The following SLC7A14 variants were observed in gnomAD, a reference collection of about 807,000 sequenced individuals.
SLC7A14 encodes solute carrier family 7 member 14, also known as gamma-aminobutyric acid transporter SLC7A14.
In SLC7A14, 37 loss-of-function variants were observed where a neutral mutation model predicts 60.2. The ratio of observed to expected loss-of-function variants is 0.61; its 90% confidence interval spans 0.47 to 0.81. The LOEUF (loss-of-function observed/expected upper bound fraction) is 0.81, where lower values mean the gene tolerates loss of function less well. Among genes scored for constraint, SLC7A14 ranks in the 30% least tolerant of loss-of-function variants. The probability of loss-of-function intolerance (pLI) is 0.00; values close to 1 mark genes in which losing one functional copy is unlikely to be tolerated. For missense variants in SLC7A14, 886 were observed against 982.7 expected (o/e 0.90, Z 1.32); for synonymous variants, 399 against 395.8 (o/e 1.01, Z -0.10).
At chr3:170,579,484 T>C (rs1715180734) in intron 1 of SLC7A14, among the ~76,000 whole-genome samples, 1 of 152,362 alleles carries the variant, frequency 6.6e-6, no homozygotes, top group East Asian at 1.9e-4. Flanking sequence ...TCATTTGTTG[T>C]TCATTGGGTT....
At chr3:170,556,657 T>C in intron 1 of SLC7A14, among the ~76,000 whole-genome samples, 1 of 152,208 alleles carries the variant, frequency 6.6e-6, no homozygotes, top group East Asian at 1.9e-4. Context: ...ACTAATACTC[T>C]TTTTCAACAT....
chr3:170,511,771 G>T (rs7635864), intron 2 of SLC7A14, among the ~76,000 whole-genome samples: 24,690 of 152,174 alleles, frequency 0.16, 2,024 homozygotes, highest in Admixed American at 0.21. Context: ...ATCATCCAGA[G>T]TCTAGACCAA....
At position 170,498,886 on chromosome 3, in the gene SLC7A14, T is replaced by TAGAGAGGAAAGACATAG; in HGVS notation, c.542-3_542-2insCTATGTCTTTCCTCTCT. ...CTGGGTATGATTCTTCACCTTTCCC[T>TAGAGAGGAAAGACATAG]AGAGAGGAAAGACATGATTTGACAT... is the stretch of plus-strand genomic sequence containing the variant. On this transcript the variant is annotated splice_region_variant and splice_polypyrimidine_tract_variant and intron_variant, in intron 3 of 7. Transcript: ENST00000231706. 1 of 1,613,648 alleles carries TAGAGAGGAAAGACATAG rather than the reference T, an allele frequency of 6.2e-7. No homozygotes were observed. The highest frequency in any genetic ancestry group is 8.5e-7 in the Non-Finnish European group (1 of 1,179,750).
chr3:170,574,428 C>T (rs1715033191), intron 1 of SLC7A14, among the ~76,000 whole-genome samples: 1 of 152,276 alleles, frequency 6.6e-6, no homozygotes, highest in African/African-American at 2.4e-5. Flanking sequence ...ATTGCCTGGT[C>T]TCTGGGATTA....
At chr3:170,504,201 A>C (rs1476207770) in intron 2 of SLC7A14, among the ~76,000 whole-genome samples, 1 of 152,218 alleles carries the variant, frequency 6.6e-6, no homozygotes, top group Non-Finnish European at 1.5e-5. Flanking sequence ...TCCTGAGAAA[A>C]ATGTTCTCAT....
At chr3:170,503,720 T>A (rs748236196) in intron 2 of SLC7A14, among the ~76,000 whole-genome samples, 23 of 152,368 alleles carry the variant, frequency 1.5e-4, no homozygotes, top group Middle Eastern at 3.4e-3. Flanking sequence ...ATTTATGGAA[T>A]TTGTGCAATC....
At chr3:170,540,456 CTT>C (rs879374882) in intron 1 of SLC7A14, among the ~76,000 whole-genome samples, 2 of 143,730 alleles carry the variant, frequency 1.4e-5, no homozygotes, top group Non-Finnish European at 1.5e-5. Context: ...TAGTTTGCTT[CTT>C]TTTTTTTTTT....
intron 1 of SLC7A14, among the ~76,000 whole-genome samples, chr3:170,537,476 C>T (rs141993311): frequency 5.4e-4 from 83 of 152,340 alleles, no homozygotes; most frequent in Middle Eastern, 3.4e-3. Context: ...ATGGACATCT[C>T]TGGGGAACAT....
At chr3:170,551,460 A>G (rs889933135) in intron 1 of SLC7A14, among the ~76,000 whole-genome samples, 1 of 152,080 alleles carries the variant, frequency 6.6e-6, no homozygotes, top group African/African-American at 2.4e-5. Context: ...AATGTTTAAC[A>G]TTTTCAGGAA....
chr3:170,531,311 C>T (rs929714636), intron 1 of SLC7A14, among the ~76,000 whole-genome samples: 121 of 152,052 alleles, frequency 8.0e-4, no homozygotes, highest in African/African-American at 2.7e-3. Flanking sequence ...ACTATGGAGG[C>T]GGCACTGTCT....
intron 4 of SLC7A14, among the ~76,000 whole-genome samples, chr3:170,486,831 C>T (rs544961166): frequency 6.8e-6 from 1 of 146,932 alleles, no homozygotes; most frequent in South Asian, 2.2e-4. Flanking sequence ...GAGATCGCGC[C>T]ATTGCACTCC....
intron 7 of SLC7A14, among the ~76,000 whole-genome samples, chr3:170,471,118 T>TGTGTGTGTGTGTGTGTGTGTGTGTGA (rs1560247234): frequency 2.0e-5 from 3 of 151,526 alleles, no homozygotes; most frequent in African/African-American, 7.3e-5. Flanking sequence ...TGTGTGTGTG[T>TGTGTGTGTGTGTGTGTGTGTGTGTGA]GTGAGTGATT....
At chr3:170,514,304 T>C (rs1713083882) in intron 2 of SLC7A14, among the ~76,000 whole-genome samples, 1 of 152,240 alleles carries the variant, frequency 6.6e-6, no homozygotes, top group Non-Finnish European at 1.5e-5. Context: ...GGGCTGGTGC[T>C]TGGCATAACT....
chr3:170,487,961 ATC>A (rs1396170687), intron 4 of SLC7A14, among the ~76,000 whole-genome samples: 3 of 152,350 alleles, frequency 2.0e-5, no homozygotes, highest in South Asian at 4.1e-4. Context: ...ATCTTGAAAT[ATC>A]ACTTATGCTT....
intron 2 of SLC7A14, among the ~76,000 whole-genome samples, chr3:170,509,679 G>T (rs1379296835): frequency 6.7e-6 from 1 of 150,288 alleles, no homozygotes; most frequent in Admixed American, 6.6e-5. Context: ...GTGTGGTGGT[G>T]CATGGTTGTA....
chr3:170,460,703 G>A lies in SLC7A14; in HGVS notation c.*6352C>T, dbSNP rs1380595725. On this transcript the variant is annotated 3_prime_UTR_variant, in exon 8 of 8. Transcript: ENST00000231706. ...CTTAACAGAAAAAAAAAAAAGCACA[G>A]AGTGAGTTCCTACCATAAAAATCCA... is the stretch of plus-strand genomic sequence containing the variant. 1 of 151,024 alleles carries A rather than the reference G, an allele frequency of 6.6e-6. No homozygotes were observed. Among genetic ancestry groups the A allele is most frequent in the East Asian group, 1.9e-4 (1 of 5,174 alleles). The allele number at this position is 151,024 out of a possible 1,614,324, so 9.4% of individuals were successfully genotyped here. A position where few individuals can be genotyped will look rare whatever the true frequency, so the allele number is the denominator to read the frequency against.
intron 4 of SLC7A14, among the ~76,000 whole-genome samples, chr3:170,493,010 G>A (rs899585387): frequency 2.0e-5 from 3 of 152,206 alleles, no homozygotes; most frequent in African/African-American, 7.2e-5. Context: ...CCTTTGTTTG[G>A]AGGCTGTCAG....
intron 5 of SLC7A14, among the ~76,000 whole-genome samples, chr3:170,483,791 C>G (rs1293441202): frequency 6.6e-6 from 1 of 152,216 alleles, no homozygotes; most frequent in Non-Finnish European, 1.5e-5. Flanking sequence ...AGTAAGTCTG[C>G]AGGTATTTCA....
At chr3:170,559,731 TC>T (rs1291119034) in intron 1 of SLC7A14, among the ~76,000 whole-genome samples, 3 of 152,234 alleles carry the variant, frequency 2.0e-5, no homozygotes. Flanking sequence ...CACTCTCTCT[TC>T]CTTTCCCTCT....
Sources: gnomAD v4.1 joint callset for allele counts (sites outside exome capture counted in the v4.1 genomes callset) on GRCh38, gnomAD v4.1.1 for gene constraint, MANE v1.5 for transcripts, NCBI Gene and HGNC (gene_info 2026-07-23, HGNC 2026-07-21) for gene names.